The following IFT81 variants were observed in gnomAD, a reference collection of about 807,000 sequenced individuals.
IFT81 encodes intraflagellar transport protein 81 homolog.
IFT81 carries 72 observed loss-of-function variants against 102.6 expected under a neutral mutation model. The ratio of observed to expected loss-of-function variants is 0.70; its 90% confidence interval spans 0.58 to 0.85. The LOEUF is 0.85. Among genes scored for constraint, IFT81 ranks in the 40% least tolerant of loss-of-function variants. IFT81 has a pLI of 0.00. For missense variants in IFT81, 723 were observed against 787.3 expected (o/e 0.92, Z 0.98); for synonymous variants, 237 against 242.7 (o/e 0.98, Z 0.22).
At chr12:110,148,598 C>G (rs1222561076) in intron 10 of IFT81, among the ~76,000 whole-genome samples, 1 of 151,990 alleles carries the variant, frequency 6.6e-6, no homozygotes, top group Non-Finnish European at 1.5e-5. Context: ...CTTCATCCTC[C>G]TGAGTAGCTG....
At chr12:110,182,132 C>T (rs955682139) in intron 12 of IFT81, among the ~76,000 whole-genome samples, 5 of 152,178 alleles carry the variant, frequency 3.3e-5, no homozygotes, top group Non-Finnish European at 7.3e-5. Flanking sequence ...AGCTATTTAG[C>T]AGTCAACATT....
chr12:110,162,794 G>A (rs966864784), intron 10 of IFT81, 125 bp from the exon 11 acceptor site: 2 of 757,730 alleles, frequency 2.6e-6, no homozygotes, highest in African/African-American at 1.8e-5. Flanking sequence ...AGGAGTATTG[G>A]TTAAGAGAGG....
intron 11 of IFT81, chr12:110,169,228 T>A (rs1435375931): frequency 6.6e-6 from 1 of 152,050 alleles, no homozygotes; most frequent in Non-Finnish European, 1.5e-5. Flanking sequence ...TTGTTATAAC[T>A]CATCACTGGA....
At chr12:110,179,067 A>T (rs1373112959) in intron 11 of IFT81, among the ~76,000 whole-genome samples, 1 of 152,122 alleles carries the variant, frequency 6.6e-6, no homozygotes, top group African/African-American at 2.4e-5. Context: ...GATAAATTAG[A>T]TAGCTATGAG....
chr12:110,162,986 C>T lies in IFT81; in HGVS notation c.1109C>T (p.Ala370Val), dbSNP rs756300889. The T allele has an allele frequency of 3.3e-5, 53 of 1,613,778 alleles. No homozygotes were observed. Among genetic ancestry groups the T allele is most frequent in the Non-Finnish European group, 4.3e-5 (51 of 1,179,798 alleles). The change falls in exon 11 of 19, where the codon GCC (alanine) becomes GTC (valine). Residue 370 changes from alanine to valine, a missense_variant. Coordinates refer to ENST00000242591, the MANE Select transcript of IFT81 (RefSeq NM_014055.4). ...EELQEAKEKLASLEREASVKR... is the reference protein window; with the variant it reads ...EELQEAKEKLVSLEREASVKR... ...CTTCAGGAGGCCAAGGAGAAGTTAG[C>T]CAGCCTAGAGAGAGAAGCATCAGTA...
At chr12:110,197,445 CT>C (rs199692035) in intron 14 of IFT81, among the ~76,000 whole-genome samples, 8,400 of 132,254 alleles carry the variant, frequency 0.064, 357 homozygotes, top group African/African-American at 0.13. Context: ...TTTCTCTTTG[CT>C]TTTTTTTTTT....
chr12:110,171,820 T>A (rs1896747135), intron 11 of IFT81: 1 of 152,218 alleles, frequency 6.6e-6, no homozygotes, highest in Non-Finnish European at 1.5e-5. Context: ...AAGTTCTGTC[T>A]AGAGCACAAG....
At chr12:110,201,040 A>T (rs1426452462) in intron 14 of IFT81, among the ~76,000 whole-genome samples, 3 of 152,212 alleles carry the variant, frequency 2.0e-5, no homozygotes, top group African/African-American at 4.8e-5. Flanking sequence ...AAACACAAGC[A>T]CATTGTATAG....
chr12:110,202,354 A>G (rs1024677103), intron 14 of IFT81, among the ~76,000 whole-genome samples: 1 of 152,234 alleles, frequency 6.6e-6, no homozygotes, highest in African/African-American at 2.4e-5. Flanking sequence ...ATACTACATT[A>G]GAAGAAACTT....
intron 11 of IFT81, among the ~76,000 whole-genome samples, chr12:110,175,275 T>A (rs1049321973): frequency 6.6e-6 from 1 of 152,234 alleles, no homozygotes; most frequent in Non-Finnish European, 1.5e-5. Context: ...CTGAGAGTTC[T>A]TTATAATATC....
intron 12 of IFT81, among the ~76,000 whole-genome samples, chr12:110,186,141 A>G (rs1897517220): frequency 6.6e-6 from 1 of 152,182 alleles, no homozygotes; most frequent in African/African-American, 2.4e-5. Flanking sequence ...CTGAATGTAG[A>G]ATTTTTGGTT....
intron 18 of IFT81, among the ~76,000 whole-genome samples, chr12:110,211,302 G>A (rs1005166979): frequency 4.7e-5 from 7 of 147,730 alleles, no homozygotes; most frequent in South Asian, 2.2e-4. Context: ...CGATCCTCCC[G>A]CCTCAGCGGA....
intron 18 of IFT81, among the ~76,000 whole-genome samples, chr12:110,215,940 A>G (rs912493898): frequency 6.6e-6 from 1 of 151,330 alleles, no homozygotes; most frequent in East Asian, 1.9e-4. Context: ...ATAGTGTACT[A>G]TTTTCGTAAT....
In IFT81 at chr12:110,151,539, T is replaced by G. The variant is rs115659322; in HGVS notation, c.1041+4491T>G. Among the ~76,000 whole-genome samples the G allele has an allele frequency of 6.5e-3, 984 of 152,290 alleles. 17 individuals carry two copies. The highest frequency in any genetic ancestry group is 0.022 in the African/African-American group (908 of 41,562). ...TATATGGGATTTTAAAATTATTTTC[T>G]AAATTGACAAATACAAATTGTTTAT... On this transcript the variant is annotated intron_variant, in intron 10 of 18. Coordinates refer to ENST00000242591, the MANE Select transcript of IFT81 (RefSeq NM_014055.4).
chr12:110,130,920 T>C (rs1278746194), intron 4 of IFT81, among the ~76,000 whole-genome samples: 2 of 152,142 alleles, frequency 1.3e-5, no homozygotes, highest in South Asian at 2.1e-4. Context: ...TGAAGGGTCT[T>C]ATAATTAATA....
At chr12:110,134,681 A>C (rs1894375605) in intron 5 of IFT81, among the ~76,000 whole-genome samples, 1 of 152,176 alleles carries the variant, frequency 6.6e-6, no homozygotes, top group African/African-American at 2.4e-5. Flanking sequence ...CAGAACACAA[A>C]TGTGCTGGTT....
At chr12:110,151,235 T>G (rs915767680) in intron 10 of IFT81, among the ~76,000 whole-genome samples, 3 of 152,176 alleles carry the variant, frequency 2.0e-5, no homozygotes, top group Admixed American at 1.3e-4. Flanking sequence ...TCTCTATAGA[T>G]TTGCCTGTCA....
intron 11 of IFT81, among the ~76,000 whole-genome samples, chr12:110,173,999 CG>C (rs1370356918): frequency 6.6e-6 from 1 of 151,820 alleles, no homozygotes; most frequent in Non-Finnish European, 1.5e-5. Flanking sequence ...AAAATTAGGC[CG>C]GGCACGGTGG....
At chr12:110,163,101 T>G in intron 11 of IFT81, 36 bp downstream of exon 11, 1 of 1,566,030 alleles carries the variant, frequency 6.4e-7, no homozygotes, top group Non-Finnish European at 8.7e-7. Flanking sequence ...AGGGTATGAG[T>G]ATTGTTTTTA....
Sources: allele counts gnomAD v4.1 joint callset (sites outside exome capture counted in the v4.1 genomes callset), GRCh38; gene constraint gnomAD v4.1.1; transcripts MANE v1.5; gene names NCBI Gene and HGNC (gene_info 2026-07-23, HGNC 2026-07-21).